Variants in LRRIQ3 observed in about 807,000 individuals in gnomAD.
The protein encoded by LRRIQ3 is leucine rich repeats and IQ motif containing 3.
A neutral mutation model predicts 59.3 loss-of-function variants in LRRIQ3; 75 were observed. That is an observed-to-expected ratio of 1.26 (90% CI 1.05 to 1.53). LRRIQ3 has a LOEUF of 1.53. Among genes scored for constraint, LRRIQ3 ranks in the 40% most tolerant of loss-of-function variants. The probability of loss-of-function intolerance (pLI) is 0.00; values close to 1 mark genes in which losing one functional copy is unlikely to be tolerated. For missense variants in LRRIQ3, 831 were observed against 710.0 expected (o/e 1.17, Z -1.94); for synonymous variants, 250 against 231.3 (o/e 1.08, Z -0.73).
chr1:74,092,883 A>G (rs1045181701), intron 5 of LRRIQ3, among the ~76,000 whole-genome samples: 24 of 152,050 alleles, frequency 1.6e-4, no homozygotes, highest in African/African-American at 5.1e-4. Context: ...TCTGCAGGAA[A>G]GATGAGATTA....
chr1:74,147,984 T>C (rs866182375), intron 4 of LRRIQ3, among the ~76,000 whole-genome samples: 56 of 152,332 alleles, frequency 3.7e-4, no homozygotes, highest in Middle Eastern at 3.4e-3. Context: ...GATATCTTTG[T>C]ATTGTTTAAC....
At chr1:74,112,977 A>G (rs562532521) in intron 4 of LRRIQ3, among the ~76,000 whole-genome samples, 177 of 152,214 alleles carry the variant, frequency 1.2e-3, no homozygotes, top group African/African-American at 4.2e-3. Context: ...CCAACATAGA[A>G]AGGGCCCAGA....
At chr1:74,049,985 A>G (rs1453637714) in intron 6 of LRRIQ3, among the ~76,000 whole-genome samples, 3 of 145,578 alleles carry the variant, frequency 2.1e-5, no homozygotes, top group African/African-American at 5.1e-5. Context: ...GTGCAATGGC[A>G]TGATCTCAGC....
chr1:74,182,403 T>G, intron 3 of LRRIQ3, 135 bp downstream of exon 3: 1 of 458,764 alleles, frequency 2.2e-6, no homozygotes, highest in Non-Finnish European at 3.5e-6. Flanking sequence ...TACAAATATA[T>G]TCATTGGTTT....
intron 1 of LRRIQ3, among the ~76,000 whole-genome samples, chr1:74,196,688 A>G (rs1424990481): frequency 6.6e-6 from 1 of 152,120 alleles, no homozygotes; most frequent in Non-Finnish European, 1.5e-5. Flanking sequence ...TTTCTCTTAC[A>G]GTCCACACCC....
chr1:74,154,240 C>A lies in LRRIQ3; in HGVS notation c.707+1493G>T, dbSNP rs1323016457. The stretch of plus-strand genomic sequence containing the variant: ...TGGGCGACAGAGCGAGACTCCTTCT[C>A]AAAAAAAAAAAAAAAAAAAAAAAAA... On this transcript the variant is annotated intron_variant, in intron 4 of 7. Transcript: ENST00000354431. 7.0e-5 allele frequency among the ~76,000 whole-genome samples: 4 copies of A among 57,278 alleles called. No individual in the cohort carries two copies. The East Asian group carries it at 2.0e-3, about 29-fold the overall frequency. The allele number at this position is 57,278 out of a possible 152,430, so 37.6% of individuals were successfully genotyped here. A position where few individuals can be genotyped will look rare whatever the true frequency, so the allele number is the denominator to read the frequency against.
At chr1:74,133,608 A>G (rs1647065982) in intron 4 of LRRIQ3, among the ~76,000 whole-genome samples, 1 of 151,974 alleles carries the variant, frequency 6.6e-6, no homozygotes, top group Admixed American at 6.6e-5. Context: ...AAACTATTGC[A>G]AGGACGAAAA....
intron 5 of LRRIQ3, among the ~76,000 whole-genome samples, chr1:74,102,020 G>A (rs150142259): frequency 0.023 from 3,545 of 150,916 alleles, 46 homozygotes; most frequent in Non-Finnish European, 0.036. Flanking sequence ...TAACAAACCT[G>A]CACGTTGTGC....
chr1:74,059,215 A>T (rs1654628898), intron 6 of LRRIQ3, among the ~76,000 whole-genome samples: 1 of 151,986 alleles, frequency 6.6e-6, no homozygotes, highest in South Asian at 2.1e-4. Context: ...GATGTGGTTC[A>T]ATCTTTCATT....
chr1:74,128,955 T>G (rs1023262147), intron 4 of LRRIQ3, among the ~76,000 whole-genome samples: 1 of 152,054 alleles, frequency 6.6e-6, no homozygotes, highest in Non-Finnish European at 1.5e-5. Flanking sequence ...TACTTTCCCC[T>G]GGATAAACAG....
chr1:74,131,725 T>C (rs1647023121), intron 4 of LRRIQ3, among the ~76,000 whole-genome samples: 1 of 152,148 alleles, frequency 6.6e-6, no homozygotes, highest in Non-Finnish European at 1.5e-5. Flanking sequence ...GAGATGTATC[T>C]CAAAATAATA....
chr1:74,095,873 G>A (rs931909974), intron 5 of LRRIQ3, among the ~76,000 whole-genome samples: 5 of 151,940 alleles, frequency 3.3e-5, no homozygotes, highest in African/African-American at 7.2e-5. Context: ...GTTTAGCAGA[G>A]GGTCTCAAAC....
rs1241703339 is a variant in LRRIQ3 at position 74,182,610 on chromosome 1, G to C, written c.501C>G (p.Asn167Lys). 1 of 1,608,322 alleles carries C rather than the reference G, an allele frequency of 6.2e-7. No individual in the cohort carries two copies. Among genetic ancestry groups the C allele is most frequent in the South Asian group, 1.1e-5 (1 of 90,372 alleles). Residue 167 changes from asparagine (N) to lysine (K), a missense_variant, in exon 3 of 8, where the codon AAC becomes AAG. Coordinates refer to ENST00000354431, the MANE Select transcript of LRRIQ3 (RefSeq NM_001105659.2). The part of the protein sequence containing the change: ...HVISDEEIIQ[N>K]WHLPERFKAC... ...CTTTGAATCTTTCAGGAAGATGCCA[G>C]TTCTGAATTATTTCTTCATCAGAAA...
intron 7 of LRRIQ3, among the ~76,000 whole-genome samples, chr1:74,030,870 A>T (rs1653686568): frequency 6.6e-6 from 1 of 152,214 alleles, no homozygotes; most frequent in South Asian, 2.1e-4. Context: ...CATCTGACAA[A>T]GGGCTAATAT....
At chr1:74,114,533 G>A (rs535530729) in intron 4 of LRRIQ3, among the ~76,000 whole-genome samples, 102 of 151,992 alleles carry the variant, frequency 6.7e-4, no homozygotes, top group African/African-American at 2.2e-3. Flanking sequence ...TCAGGAGATC[G>A]AGAGCATCCT....
chr1:74,170,571 T>C (rs1358826175), intron 3 of LRRIQ3, among the ~76,000 whole-genome samples: 1 of 152,204 alleles, frequency 6.6e-6, no homozygotes, highest in African/African-American at 2.4e-5. Context: ...ACTATAGATT[T>C]GTAACGTATT....
chr1:74,074,641 TA>T lies in LRRIQ3; in HGVS notation c.997+19del. 8.9e-7 allele frequency: 1 copy of T among 1,127,366 alleles called. No individual in the cohort carries two copies. Among genetic ancestry groups the T allele is most frequent in the Non-Finnish European group, 1.2e-6 (1 of 849,194 alleles). 69.8% of individuals were successfully genotyped at this position (1,127,366 alleles called of 1,614,324 possible). On this transcript the variant is annotated intron_variant, in intron 6 of 7. Transcript: ENST00000354431. The stretch of plus-strand genomic sequence containing the variant: ...TCAAAATATATTTATTAAATATAAT[TA>T]AAAATTCATATAACTAACCTTTTTG...
chr1:74,110,168 C>T (rs1646675005), intron 4 of LRRIQ3, among the ~76,000 whole-genome samples: 1 of 151,728 alleles, frequency 6.6e-6, no homozygotes, highest in Non-Finnish European at 1.5e-5. Flanking sequence ...ACATCATACT[C>T]AATGGTCAAA....
chr1:74,195,299 GCTTGGCCT>G (rs1651039229), intron 1 of LRRIQ3, among the ~76,000 whole-genome samples: 1 of 152,180 alleles, frequency 6.6e-6, no homozygotes, highest in Non-Finnish European at 1.5e-5. Context: ...TACAGCCCTA[GCTTGGCCT>G]GACCACAGCA....
Sources: allele counts gnomAD v4.1 joint callset (sites outside exome capture counted in the v4.1 genomes callset), GRCh38; gene constraint gnomAD v4.1.1; transcripts MANE v1.5; gene names NCBI Gene and HGNC (gene_info 2026-07-23, HGNC 2026-07-21).